SIPA1L2: variants seen among roughly 807,000 people sequenced by gnomAD.
SIPA1L2 encodes the protein signal induced proliferation associated 1 like 2, also known as signal-induced proliferation-associated 1-like protein 2.
A neutral mutation model predicts 163.9 loss-of-function variants in SIPA1L2; 56 were observed. That is an observed-to-expected ratio of 0.34 (90% CI 0.28 to 0.43). The LOEUF is 0.43. SIPA1L2 is among the 20% of genes least tolerant of loss of function. The probability of loss-of-function intolerance (pLI) is 1.00; values close to 1 mark genes in which losing one functional copy is unlikely to be tolerated. For missense variants in SIPA1L2, 1,974 were observed against 2,193.5 expected (o/e 0.90, Z 2.00); for synonymous variants, 877 against 865.7 (o/e 1.01, Z -0.23).
intron 19 of SIPA1L2, among the ~76,000 whole-genome samples, chr1:232,406,908 T>C (rs1485268907): frequency 6.6e-6 from 1 of 152,142 alleles, no homozygotes; most frequent in African/African-American, 2.4e-5. Flanking sequence ...AAAGACAAAG[T>C]AGGGTTTTGT....
rs7528143 is a variant in SIPA1L2 at position 232,562,001 on chromosome 1, T to C, written c.-270+12173A>G. On this transcript the variant is annotated intron_variant, in intron 2 of 22. Coordinates refer to ENST00000674635, the MANE Select transcript of SIPA1L2 (RefSeq NM_020808.5). ...ATGGGTCCCACCGCGCCAGCTGCTC[T>C]GAGAGGCCCTGAGCGAGTAAATACG... Among the ~76,000 whole-genome samples, 1,338 of 152,300 alleles carry C rather than the reference T, an allele frequency of 8.8e-3. 6 individuals are homozygous for C. The highest frequency in any genetic ancestry group is 0.012 in the Non-Finnish European group (836 of 68,032).
intron 1 of SIPA1L2, among the ~76,000 whole-genome samples, chr1:232,608,047 C>CAAAAAAAAAAAAAAAAT (rs1662040248): frequency 1.5e-5 from 1 of 67,496 alleles, no homozygotes; most frequent in Non-Finnish European, 2.6e-5. Context: ...AACTCCATCT[C>CAAAAAAAAAAAAAAAAT]AAAAAAAAAA....
rs71162247 is a variant in SIPA1L2, at chr1:232,496,560, C to CAAAAAAAA, written c.1484-2908_1484-2901dup. On this transcript the variant is annotated intron_variant, in intron 3 of 22. Transcript: ENST00000674635. ...TAAGAAGAGCTGATCCAGAAGCAGGCAAAAAAAAAAAAAAAGATATTCAAT... is the reference window on the plus strand; with the variant it reads ...TAAGAAGAGCTGATCCAGAAGCAGGCAAAAAAAAAAAAAAAAAAAAAAAGATATTCAAT... Among the ~76,000 whole-genome samples the CAAAAAAAA allele has an allele frequency of 8.1e-3, 855 of 105,204 alleles. 10 individuals are homozygous for CAAAAAAAA. Among genetic ancestry groups the CAAAAAAAA allele is most frequent in the African/African-American group, 0.029 (811 of 27,992 alleles). 69.0% of individuals were successfully genotyped at this position (105,204 alleles called of 152,430 possible).
At chr1:232,610,418 G>A (rs188704271) in intron 1 of SIPA1L2, among the ~76,000 whole-genome samples, 9 of 152,310 alleles carry the variant, frequency 5.9e-5, no homozygotes, top group Admixed American at 3.9e-4. Context: ...TGGGCTGGAC[G>A]CCAGGTTTCC....
At chr1:232,558,883 T>A (rs1469854131) in intron 2 of SIPA1L2, among the ~76,000 whole-genome samples, 2 of 152,232 alleles carry the variant, frequency 1.3e-5, no homozygotes, top group Non-Finnish European at 2.9e-5. Flanking sequence ...AAAACGATCC[T>A]CTCACCTCTC....
At chr1:232,462,055 C>G in intron 9 of SIPA1L2, 1 of 727,774 alleles carries the variant, frequency 1.4e-6, no homozygotes, top group South Asian at 1.6e-5. Flanking sequence ...GCAATGGAAG[C>G]CTCAGTGTAT....
At chr1:232,482,581 C>T (rs1006271980) in intron 6 of SIPA1L2, among the ~76,000 whole-genome samples, 1 of 152,114 alleles carries the variant, frequency 6.6e-6, no homozygotes, top group African/African-American at 2.4e-5. Flanking sequence ...CCAGCCCTGG[C>T]GTGTGTAGTG....
chr1:232,402,564 T>G lies in SIPA1L2; in HGVS notation c.4941-91A>C, dbSNP rs139150935. On this transcript the variant is annotated intron_variant, in intron 21 of 22. Coordinates refer to ENST00000674635, the MANE Select transcript of SIPA1L2 (RefSeq NM_020808.5). ...TTTCACTCGAAAAAATTATTTCATG[T>G]GCTTAGAGCCCAGCAAGCAGATATA... The G allele has an allele frequency of 3.4e-4, 350 of 1,017,094 alleles. 1 individual carries two copies. The African/African-American group carries it at 4.3e-3, about 12-fold the overall frequency. 63.0% of individuals were successfully genotyped at this position (1,017,094 alleles called of 1,614,324 possible).
At chr1:232,413,394 T>TGAA (rs1661066204) in intron 19 of SIPA1L2, among the ~76,000 whole-genome samples, 1 of 152,138 alleles carries the variant, frequency 6.6e-6, no homozygotes, top group East Asian at 1.9e-4. Flanking sequence ...TTGCCTTCTC[T>TGAA]AATCCCCTGG....
At chr1:232,418,933 G>A (rs1346663848) in intron 18 of SIPA1L2, among the ~76,000 whole-genome samples, 1 of 152,196 alleles carries the variant, frequency 6.6e-6, no homozygotes, top group African/African-American at 2.4e-5. Context: ...TGCCTGCCAC[G>A]TGATGGGGGC....
chr1:232,564,157 T>TC (rs1659237427), intron 2 of SIPA1L2, among the ~76,000 whole-genome samples: 1 of 29,418 alleles, frequency 3.4e-5, no homozygotes, highest in Non-Finnish European at 6.4e-5. Context: ...TTCGTGTGTG[T>TC]GTGTGTGTGT....
chr1:232,414,640 A>G (rs1558156681), intron 19 of SIPA1L2, among the ~76,000 whole-genome samples: 1 of 152,188 alleles, frequency 6.6e-6, no homozygotes, highest in Non-Finnish European at 1.5e-5. Context: ...AGCGCAGGGC[A>G]TTAAACAGCC....
Position 232,588,935 on chromosome 1 carries a change from C to T in SIPA1L2, c.-318-14713G>A, listed in dbSNP as rs144884494. On this transcript the variant is annotated intron_variant, in intron 1 of 22. Transcript: ENST00000674635. Reference sequence around the variant, plus strand: ...TAAATTCAATAATGATTTCTAAAATCCCTTTTTTATTTCTGATATGGTAGA... The same window carrying T: ...TAAATTCAATAATGATTTCTAAAATTCCTTTTTTATTTCTGATATGGTAGA... Among the ~76,000 whole-genome samples the T allele has an allele frequency of 2.7e-3, 416 of 152,164 alleles. 6 individuals carry two copies. Among genetic ancestry groups the T allele is most frequent in the African/African-American group, 9.8e-3 (407 of 41,504 alleles).
intron 18 of SIPA1L2, among the ~76,000 whole-genome samples, chr1:232,421,431 G>A (rs1661571023): frequency 1.3e-5 from 2 of 152,242 alleles, no homozygotes; most frequent in Non-Finnish European, 2.9e-5. Context: ...ATGCCAAGGA[G>A]CCTCTCAACA....
intron 10 of SIPA1L2, among the ~76,000 whole-genome samples, chr1:232,456,710 G>A (rs979362983): frequency 6.6e-6 from 1 of 152,142 alleles, no homozygotes; most frequent in Non-Finnish European, 1.5e-5. Flanking sequence ...GGGCCATACC[G>A]GTGGCTGTAA....
intron 5 of SIPA1L2, among the ~76,000 whole-genome samples, chr1:232,490,067 TAATGG>T (rs980517873): frequency 2.6e-5 from 4 of 152,274 alleles, no homozygotes; most frequent in African/African-American, 9.6e-5. Context: ...CGTCACATCC[TAATGG>T]AAAACCTTCA....
At chr1:232,564,905 G>C (rs1268629346) in intron 2 of SIPA1L2, among the ~76,000 whole-genome samples, 1 of 152,124 alleles carries the variant, frequency 6.6e-6, no homozygotes, top group African/African-American at 2.4e-5. Context: ...GTCTCAGGGT[G>C]GGGGATGAGA....
chr1:232,495,559 C>T (rs983342742), intron 3 of SIPA1L2, among the ~76,000 whole-genome samples: 11 of 127,542 alleles, frequency 8.6e-5, no homozygotes, highest in African/African-American at 2.6e-4. Context: ...AGCAAGACTC[C>T]GTCTCAAAAA....
intron 2 of SIPA1L2, among the ~76,000 whole-genome samples, chr1:232,534,726 C>T (rs1049495074): frequency 6.6e-6 from 1 of 152,090 alleles, no homozygotes; most frequent in East Asian, 1.9e-4. Flanking sequence ...ACCACCATGG[C>T]GGGGTCTTGC....
Sources: allele counts gnomAD v4.1 joint callset (sites outside exome capture counted in the v4.1 genomes callset), GRCh38; gene constraint gnomAD v4.1.1; transcripts MANE v1.5; gene names NCBI Gene and HGNC (gene_info 2026-07-23, HGNC 2026-07-21).